Variants in SLC4A10 observed in about 807,000 individuals in gnomAD.
SLC4A10 encodes the protein solute carrier family 4 member 10.
In SLC4A10, 42 loss-of-function variants were observed where a neutral mutation model predicts 137.7. The observed-to-expected ratio is 0.30, with a 90% CI of 0.24 to 0.39. The LOEUF (loss-of-function observed/expected upper bound fraction) is 0.39, where lower values mean the gene tolerates loss of function less well. Ranked by LOEUF, SLC4A10 falls within the 10% of genes least tolerant of loss-of-function variation. The pLI is 1.00. For synonymous variants in SLC4A10, 474 were observed against 464.1 expected (o/e 1.02, Z -0.27); for missense variants, 925 against 1,355.0 (o/e 0.68, Z 4.98).
chr2:161,719,252 C>A (rs948697625), intron 1 of SLC4A10, among the ~76,000 whole-genome samples: 16 of 152,060 alleles, frequency 1.1e-4, no homozygotes, highest in South Asian at 2.1e-4. Flanking sequence ...TTTATGGCTG[C>A]ATAGTATTCC....
At chr2:161,777,251 C>G (rs927600320) in intron 2 of SLC4A10, among the ~76,000 whole-genome samples, 1 of 151,826 alleles carries the variant, frequency 6.6e-6, no homozygotes, top group Admixed American at 6.6e-5. Context: ...ATATTCTAGA[C>G]AGTAACCTCT....
At chr2:161,691,632 T>C (rs1357205982) in intron 1 of SLC4A10, among the ~76,000 whole-genome samples, 3 of 152,082 alleles carry the variant, frequency 2.0e-5, no homozygotes, top group Admixed American at 2.0e-4. Context: ...ATTGTCATCA[T>C]TTTAAAAAGT....
intron 1 of SLC4A10, among the ~76,000 whole-genome samples, chr2:161,663,930 A>G (rs2038745407): frequency 1.3e-5 from 2 of 152,002 alleles, no homozygotes; most frequent in South Asian, 4.1e-4. Flanking sequence ...ATTTTTTGTT[A>G]ATAGATATTT....
At chr2:161,641,474 T>C (rs990137265) in intron 1 of SLC4A10, among the ~76,000 whole-genome samples, 1 of 152,154 alleles carries the variant, frequency 6.6e-6, no homozygotes, top group Non-Finnish European at 1.5e-5. Context: ...GCTTTTTATC[T>C]TTAAGAGATT....
At chr2:161,761,276 C>T (rs867699361) in intron 1 of SLC4A10, among the ~76,000 whole-genome samples, 8 of 152,034 alleles carry the variant, frequency 5.3e-5, no homozygotes, top group East Asian at 1.9e-4. Flanking sequence ...CTAGAAAGAA[C>T]GAGGACTTGG....
At chr2:161,799,042 T>C (rs1016404361) in intron 2 of SLC4A10, among the ~76,000 whole-genome samples, 49 of 151,584 alleles carry the variant, frequency 3.2e-4, no homozygotes, top group African/African-American at 1.1e-3. Context: ...AAATCTTTTC[T>C]TTTAATGATA....
At chr2:161,801,013 A>G (rs981247324) in intron 2 of SLC4A10, among the ~76,000 whole-genome samples, 18 of 152,078 alleles carry the variant, frequency 1.2e-4, no homozygotes, top group Non-Finnish European at 2.5e-4. Context: ...AGGAAAGTAA[A>G]GGGAACACTT....
chr2:161,643,660 G>A (rs551290818), intron 1 of SLC4A10, among the ~76,000 whole-genome samples: 2 of 152,122 alleles, frequency 1.3e-5, no homozygotes, highest in African/African-American at 4.8e-5. Context: ...ACTACATTTG[G>A]TTCTTATATT....
chr2:161,918,182 G>A (rs942318761), intron 15 of SLC4A10, among the ~76,000 whole-genome samples: 1 of 152,156 alleles, frequency 6.6e-6, no homozygotes, highest in African/African-American at 2.4e-5. Context: ...TTGAGACAGA[G>A]TCTCTCTCTG....
In SLC4A10 at chr2:161,801,637, C is replaced by T. The variant is rs758478131; in HGVS notation, c.131-2812C>T. ...TTGACGCTTTCTTCAACAGTTAAGA[C>T]GTAGCAACTTATTACTTCCCCAAAT... is the stretch of plus-strand genomic sequence containing the variant. On this transcript the variant is annotated intron_variant, in intron 2 of 26. Coordinates refer to ENST00000446997, the MANE Select transcript of SLC4A10 (RefSeq NM_001178015.2). Among the ~76,000 whole-genome samples, 17 of 152,184 alleles carry T rather than the reference C, an allele frequency of 1.1e-4. No individual in the cohort carries two copies. In the East Asian group the frequency reaches 1.5e-3, roughly 14 times the overall value.
intron 1 of SLC4A10, among the ~76,000 whole-genome samples, chr2:161,662,407 C>A (rs1248527967): frequency 6.6e-6 from 1 of 151,632 alleles, no homozygotes; most frequent in East Asian, 1.9e-4. Flanking sequence ...TTTTTAAAAA[C>A]TGTCTTCCAG....
Position 161,879,109 on chromosome 2 carries a change from A to G in SLC4A10, c.949-22A>G, listed in dbSNP as rs199812940. 5.5e-5 allele frequency: 88 copies of G among 1,610,504 alleles called. No individual in the cohort carries two copies. In the East Asian group the frequency reaches 1.8e-3, roughly 33 times the overall value. ...GATTTTTCCAATTTTGATTTATCATATTTACCTGGTGATGCTTGCAGGTTG... is the reference window on the plus strand; with the variant it reads ...GATTTTTCCAATTTTGATTTATCATGTTTACCTGGTGATGCTTGCAGGTTG... On this transcript the variant is annotated intron_variant, in intron 8 of 26. Coordinates refer to ENST00000446997, the MANE Select transcript of SLC4A10 (RefSeq NM_001178015.2).
At chr2:161,667,570 T>C (rs1364392006) in intron 1 of SLC4A10, among the ~76,000 whole-genome samples, 2 of 151,716 alleles carry the variant, frequency 1.3e-5, no homozygotes, top group Admixed American at 6.6e-5. Flanking sequence ...TCCAGTGTAA[T>C]CTACAGCCAT....
At chr2:161,782,482 T>G (rs1347980637) in intron 2 of SLC4A10, among the ~76,000 whole-genome samples, 3 of 151,682 alleles carry the variant, frequency 2.0e-5, no homozygotes, top group Non-Finnish European at 4.4e-5. Context: ...CAGGAAAATG[T>G]GTTCCAAACT....
At chr2:161,877,238 T>C (rs1470628819) in intron 8 of SLC4A10, among the ~76,000 whole-genome samples, 2 of 152,100 alleles carry the variant, frequency 1.3e-5, no homozygotes, top group Non-Finnish European at 2.9e-5. Flanking sequence ...TTATAGAATT[T>C]TCAAGGTGGA....
intron 1 of SLC4A10, among the ~76,000 whole-genome samples, chr2:161,648,498 T>C (rs1022245205): frequency 2.6e-5 from 4 of 152,200 alleles, no homozygotes; most frequent in Non-Finnish European, 1.5e-5. Flanking sequence ...AATTGATAAA[T>C]AGGACCAAAT....
chr2:161,754,648 T>C (rs1045265237), intron 1 of SLC4A10, among the ~76,000 whole-genome samples: 2 of 152,202 alleles, frequency 1.3e-5, no homozygotes, highest in African/African-American at 4.8e-5. Context: ...TGAAGTCATT[T>C]GTCTGTCTTT....
chr2:161,982,445 A>G (rs1056692439), intron 26 of SLC4A10, among the ~76,000 whole-genome samples: 1 of 152,248 alleles, frequency 6.6e-6, no homozygotes, highest in Non-Finnish European at 1.5e-5. Flanking sequence ...TGGTAGAGTC[A>G]CATGACCAGT....
At chr2:161,841,654 A>G (rs1457026131) in intron 4 of SLC4A10, among the ~76,000 whole-genome samples, 1 of 152,208 alleles carries the variant, frequency 6.6e-6, no homozygotes, top group Non-Finnish European at 1.5e-5. Context: ...TGGTCTTTAC[A>G]GCTCTCCTTT....
Sources: allele counts gnomAD v4.1 joint callset (sites outside exome capture counted in the v4.1 genomes callset), GRCh38; gene constraint gnomAD v4.1.1; transcripts MANE v1.5; gene names NCBI Gene and HGNC (gene_info 2026-07-23, HGNC 2026-07-21).